The following ZFHX3 variants were observed in gnomAD, a reference collection of about 807,000 sequenced individuals.
ZFHX3 encodes zinc finger homeobox protein 3.
Under a neutral mutation model 279.1 loss-of-function variants are expected in ZFHX3, and 42 were observed. The observed-to-expected ratio is 0.15, with a 90% CI of 0.12 to 0.19. The LOEUF is 0.19. Ranked by LOEUF, ZFHX3 falls within the 10% of genes least tolerant of loss-of-function variation. The probability of loss-of-function intolerance (pLI) is 1.00; values close to 1 mark genes in which losing one functional copy is unlikely to be tolerated. For synonymous variants in ZFHX3, 2,293 were observed against 1,957.8 expected, an observed-to-expected ratio of 1.17 and a Z score of -4.52; for missense variants, 4,981 against 4,754.0, an observed-to-expected ratio of 1.05 and a Z score of -1.40.
intron 1 of ZFHX3, among the ~76,000 whole-genome samples, chr16:73,754,456 C>A (rs1414406016): frequency 6.6e-6 from 1 of 152,158 alleles, no homozygotes; most frequent in Non-Finnish European, 1.5e-5. Context: ...AGGTACCTCT[C>A]TGGTACCCCC....
intron 1 of ZFHX3, among the ~76,000 whole-genome samples, chr16:73,743,126 T>C (rs918632337): frequency 3.3e-4 from 50 of 152,346 alleles, no homozygotes; most frequent in Middle Eastern, 3.4e-3. Flanking sequence ...TGGGATCATA[T>C]TCTACAAATT....
At chr16:72,928,920 C>T (rs958313154) in intron 3 of ZFHX3, among the ~76,000 whole-genome samples, 1 of 152,106 alleles carries the variant, frequency 6.6e-6, no homozygotes, top group African/African-American at 2.4e-5. Flanking sequence ...TAAAATTGCA[C>T]CACTGCACTC....
intron 1 of ZFHX3, among the ~76,000 whole-genome samples, chr16:73,747,754 C>G (rs2053717532): frequency 6.6e-6 from 1 of 152,156 alleles, no homozygotes. Flanking sequence ...CAACAGCCAT[C>G]TCAAATTTAA....
At chr16:73,780,662 A>G (rs371927040) in intron 1 of ZFHX3, among the ~76,000 whole-genome samples, 2 of 151,970 alleles carry the variant, frequency 1.3e-5, no homozygotes, top group East Asian at 1.9e-4. Flanking sequence ...GGCTGGTCTC[A>G]AACTCCTGGC....
chr16:73,712,085 G>A (rs897285248), intron 1 of ZFHX3, among the ~76,000 whole-genome samples: 2 of 152,234 alleles, frequency 1.3e-5, no homozygotes, highest in African/African-American at 4.8e-5. Flanking sequence ...TACGGAGGAT[G>A]GAGAGATGAG....
At chr16:73,011,085 G>A (rs9923105) in intron 1 of ZFHX3, among the ~76,000 whole-genome samples, 2,471 of 152,186 alleles carry the variant, frequency 0.016, 67 homozygotes, top group African/African-American at 0.056. Flanking sequence ...GGGTTTAAGC[G>A]ATTCTCCCAC....
chr16:73,459,448 C>T (rs1448042416), intron 2 of ZFHX3, among the ~76,000 whole-genome samples: 1 of 152,174 alleles, frequency 6.6e-6, no homozygotes, highest in Non-Finnish European at 1.5e-5. Context: ...CTGCAACCTC[C>T]ACCTCCTGGG....
At chr16:73,751,879 A>T (rs1036383924) in intron 1 of ZFHX3, among the ~76,000 whole-genome samples, 20 of 152,290 alleles carry the variant, frequency 1.3e-4, no homozygotes, top group Middle Eastern at 6.8e-3. Context: ...CAGCAATTGG[A>T]TCTGAGGCAG....
chr16:73,014,541 T>C (rs1964030876), intron 1 of ZFHX3: 1 of 141,692 alleles, frequency 7.1e-6, no homozygotes, highest in African/African-American at 2.6e-5. Context: ...TTTTTTTTTT[T>C]TTTTTGAGAC....
chr16:73,533,163 A>T (rs766200736), intron 2 of ZFHX3, among the ~76,000 whole-genome samples: 4 of 151,736 alleles, frequency 2.6e-5, no homozygotes, highest in African/African-American at 4.8e-5. Flanking sequence ...TGACTATGAC[A>T]TTTTCTCGTT....
intron 4 of ZFHX3, among the ~76,000 whole-genome samples, chr16:72,880,972 A>G (rs1053087709): frequency 5.9e-5 from 9 of 152,260 alleles, no homozygotes; most frequent in African/African-American, 1.4e-4. Flanking sequence ...ACTGTGAAAC[A>G]GAGAGAAAGA....
At chr16:72,968,570 T>C (rs866484030) in intron 1 of ZFHX3, among the ~76,000 whole-genome samples, 1 of 151,824 alleles carries the variant, frequency 6.6e-6, no homozygotes, top group South Asian at 2.1e-4. Flanking sequence ...AAGCAATTCT[T>C]CTGCCTCAGC....
chr16:73,365,864 G>A (rs532158954), intron 3 of ZFHX3, among the ~76,000 whole-genome samples: 21 of 152,266 alleles, frequency 1.4e-4, no homozygotes, highest in Non-Finnish European at 2.6e-4. Flanking sequence ...TCCAGGCAAC[G>A]GAACCAGCAC....
intron 4 of ZFHX3, among the ~76,000 whole-genome samples, chr16:73,304,246 G>C (rs910302791): frequency 1.3e-5 from 2 of 152,172 alleles, no homozygotes; most frequent in African/African-American, 4.8e-5. Context: ...CATGTAAATA[G>C]GGCAGATGAA....
intron 1 of ZFHX3, among the ~76,000 whole-genome samples, chr16:73,011,558 T>A (rs943456085): frequency 6.6e-6 from 1 of 151,974 alleles, no homozygotes; most frequent in Admixed American, 6.5e-5. Context: ...CTGGCCAACA[T>A]GGTGAAACCC....
chr16:73,560,685 A>G (rs969562175), intron 2 of ZFHX3, among the ~76,000 whole-genome samples: 1 of 152,226 alleles, frequency 6.6e-6, no homozygotes, highest in Non-Finnish European at 1.5e-5. Flanking sequence ...ATCAATAAAT[A>G]GCACGTGGAC....
chr16:72,895,989 T>C (rs1597356119), intron 3 of ZFHX3, among the ~76,000 whole-genome samples: 2 of 152,240 alleles, frequency 1.3e-5, no homozygotes, highest in African/African-American at 4.8e-5. Flanking sequence ...GAAACATCTA[T>C]GCTTGGCAAT....
chr16:73,531,714 CAAAAAAAAAAA>C (rs34119200), intron 2 of ZFHX3, among the ~76,000 whole-genome samples: 1 of 81,146 alleles, frequency 1.2e-5, no homozygotes, highest in South Asian at 4.3e-4. Context: ...AACCCTGTCT[CAAAAAAAAAAA>C]AAAAAAAAAA....
chr16:73,793,175 AAAAC>A (rs1238973793), intron 1 of ZFHX3, among the ~76,000 whole-genome samples: 1 of 152,174 alleles, frequency 6.6e-6, no homozygotes, highest in African/African-American at 2.4e-5. Context: ...GTACAATGGA[AAAAC>A]AAACAAACAA....
Sources: allele counts gnomAD v4.1 joint callset (sites outside exome capture counted in the v4.1 genomes callset), GRCh38; gene constraint gnomAD v4.1.1; transcripts MANE v1.5; gene names NCBI Gene and HGNC (gene_info 2026-07-23, HGNC 2026-07-21).